CCDC192: variants seen among roughly 807,000 people sequenced by gnomAD.
The protein encoded by CCDC192 is coiled-coil domain-containing protein 192.
Position 127,802,118 on chromosome 5 carries a change from C to T in CCDC192, c.411+3956C>T, listed in dbSNP as rs565055479. ...ATGGCCTCCTGCTTATTTAACAGAG[C>T]TCAATACACTACACTTTGTTGACAT... On this transcript the variant is annotated intron_variant, in intron 5 of 6. Transcript: ENST00000514853. 6.6e-5 allele frequency among the ~76,000 whole-genome samples: 10 copies of T among 152,288 alleles called. No homozygotes were observed. The South Asian group carries it at 2.1e-3, about 32-fold the overall frequency.
At chr5:127,788,216 G>T (rs188233912) in intron 3 of CCDC192, among the ~76,000 whole-genome samples, 1 of 151,874 alleles carries the variant, frequency 6.6e-6, no homozygotes, top group Non-Finnish European at 1.5e-5. Context: ...GTGCATTTAT[G>T]CGTATAGTTT....
intron 5 of CCDC192, among the ~76,000 whole-genome samples, chr5:127,858,350 G>T (rs536714893): frequency 2.2e-4 from 34 of 152,244 alleles, no homozygotes; most frequent in African/African-American, 7.9e-4. Context: ...TTTACACACA[G>T]TGTTTCCTCT....
At chr5:127,719,534 C>CATACATACAT (rs1561444958) in intron 2 of CCDC192, among the ~76,000 whole-genome samples, 71 of 42,260 alleles carry the variant, frequency 1.7e-3, no homozygotes, top group Admixed American at 3.0e-3. Context: ...TACACACATA[C>CATACATACAT]ATATATATAT....
At chr5:127,710,338 C>A (rs1751252412) in intron 2 of CCDC192, among the ~76,000 whole-genome samples, 1 of 151,900 alleles carries the variant, frequency 6.6e-6, no homozygotes, top group Admixed American at 6.6e-5. Context: ...ATCTCAGTTG[C>A]CTCTTTTAAA....
intron 6 of CCDC192, among the ~76,000 whole-genome samples, chr5:127,937,377 G>A (rs961631354): frequency 2.0e-5 from 3 of 152,094 alleles, no homozygotes; most frequent in Admixed American, 2.0e-4. Context: ...TTTGGAGATG[G>A]GGCCTGTGGG....
At chr5:127,739,240 C>CCGGGGGT (rs1209567958) in intron 2 of CCDC192, among the ~76,000 whole-genome samples, 2 of 152,228 alleles carry the variant, frequency 1.3e-5, no homozygotes, top group South Asian at 2.1e-4. Context: ...GTTAGGCTGC[C>CCGGGGGT]CGGGGGTCAG....
At chr5:127,939,228 G>A (rs960919169) in intron 6 of CCDC192, among the ~76,000 whole-genome samples, 1 of 141,230 alleles carries the variant, frequency 7.1e-6, no homozygotes, top group East Asian at 2.2e-4. Context: ...AGTGATTCTC[G>A]AGCCTCAGCC....
intron 2 of CCDC192, among the ~76,000 whole-genome samples, chr5:127,714,618 C>T (rs992541974): frequency 2.6e-5 from 4 of 152,132 alleles, no homozygotes; most frequent in African/African-American, 4.8e-5. Flanking sequence ...GATCCATCTG[C>T]CTTGGCTTCC....
intron 2 of CCDC192, among the ~76,000 whole-genome samples, chr5:127,726,575 T>A (rs959768479): frequency 3.7e-4 from 57 of 152,340 alleles, no homozygotes; most frequent in African/African-American, 1.3e-3. Flanking sequence ...CATTTTCTCC[T>A]GTGGGTGCTG....
chr5:127,773,306 T>C (rs777016526), intron 3 of CCDC192, among the ~76,000 whole-genome samples: 1 of 152,206 alleles, frequency 6.6e-6, no homozygotes, highest in African/African-American at 2.4e-5. Flanking sequence ...TTAGAATTCA[T>C]CATTTTGAAA....
chr5:127,826,413 C>T (rs1382950428), intron 5 of CCDC192, among the ~76,000 whole-genome samples: 1 of 151,956 alleles, frequency 6.6e-6, no homozygotes, highest in African/African-American at 2.4e-5. Context: ...TACCATTTGA[C>T]CCAGCAGTGC....
chr5:127,705,209 A>T (rs897649008), intron 1 of CCDC192, among the ~76,000 whole-genome samples: 1 of 152,168 alleles, frequency 6.6e-6, no homozygotes, highest in African/African-American at 2.4e-5. Context: ...ATTGTACAAC[A>T]TGACTTCTCC....
At chr5:127,856,367 G>A (rs1342318830) in intron 5 of CCDC192, among the ~76,000 whole-genome samples, 2 of 152,180 alleles carry the variant, frequency 1.3e-5, no homozygotes, top group East Asian at 3.8e-4. Context: ...CCTTGCTTTG[G>A]ATTAGACTTT....
In CCDC192 at chr5:127,813,701, C is replaced by A. The variant is rs576301841; in HGVS notation, c.411+15539C>A. ...ACCATATTTAAAAAAATGATTCAGA[C>A]AGACTTGTTCAAGCAGATGTGATTT... is the stretch of plus-strand genomic sequence containing the variant. On this transcript the variant is annotated intron_variant, in intron 5 of 6. Transcript: ENST00000514853. Among the ~76,000 whole-genome samples, 22 of 152,250 alleles carry A rather than the reference C, an allele frequency of 1.4e-4. 2 individuals carry two copies. The South Asian group carries it at 4.6e-3, about 32-fold the overall frequency.
At chr5:127,717,645 A>G (rs1751700106) in intron 2 of CCDC192, among the ~76,000 whole-genome samples, 1 of 152,012 alleles carries the variant, frequency 6.6e-6, no homozygotes, top group Non-Finnish European at 1.5e-5. Flanking sequence ...CATAAAACCC[A>G]TTAAAGTTGG....
intron 6 of CCDC192, among the ~76,000 whole-genome samples, chr5:127,908,775 C>A (rs1753266690): frequency 6.6e-6 from 1 of 152,128 alleles, no homozygotes; most frequent in African/African-American, 2.4e-5. Flanking sequence ...GAAGAGTAAA[C>A]ACTGCATAGT....
intron 5 of CCDC192, among the ~76,000 whole-genome samples, chr5:127,827,800 C>T (rs774954723): frequency 1.3e-5 from 2 of 152,314 alleles, no homozygotes; most frequent in African/African-American, 2.4e-5. Context: ...ACTCCTCCGG[C>T]GCAGTCTCAC....
chr5:127,938,720 TC>T (rs1479715008), intron 6 of CCDC192, among the ~76,000 whole-genome samples: 1 of 152,246 alleles, frequency 6.6e-6, no homozygotes, highest in African/African-American at 2.4e-5. Context: ...AAACTAAATC[TC>T]CCAGTCAAAT....
At chr5:127,739,248 C>G (rs1054423293) in intron 2 of CCDC192, among the ~76,000 whole-genome samples, 1 of 152,178 alleles carries the variant, frequency 6.6e-6, no homozygotes, top group African/African-American at 2.4e-5. Context: ...GCCCGGGGGT[C>G]AGGGGTCAGG....
Sources: gnomAD v4.1 joint callset for allele counts (sites outside exome capture counted in the v4.1 genomes callset) on GRCh38, gnomAD v4.1.1 for gene constraint, MANE v1.5 for transcripts, NCBI Gene and HGNC (gene_info 2026-07-23, HGNC 2026-07-21) for gene names.